Variants in PCCA observed in about 807,000 individuals in gnomAD.
The protein encoded by PCCA is propionyl-CoA carboxylase alpha chain, mitochondrial.
Under a neutral mutation model 101.3 loss-of-function variants are expected in PCCA, and 74 were observed. The ratio of observed to expected loss-of-function variants is 0.73; its 90% CI spans 0.61 to 0.89. PCCA has a LOEUF of 0.89. PCCA is among the 40% of genes least tolerant of loss of function. The pLI is 0.00. For synonymous variants in PCCA, 294 were observed against 313.6 expected, an observed-to-expected ratio of 0.94 and a Z score of 0.66; for missense variants, 891 against 907.0, an observed-to-expected ratio of 0.98 and a Z score of 0.23.
At position 100,330,682 on chromosome 13, in the gene PCCA, A is replaced by ATTTTAGTGTT; in HGVS notation, c.1540+13_1540+14insTTAGTGTTTT. The ATTTTAGTGTT allele has an allele frequency of 7.1e-7, 1 of 1,417,440 alleles. No homozygotes were observed. The highest frequency in any genetic ancestry group is 1.0e-6 in the Non-Finnish European group (1 of 1,000,812). 87.8% of individuals were successfully genotyped at this position (1,417,440 alleles called of 1,614,324 possible). A position where few individuals can be genotyped will look rare whatever the true frequency, so the allele number is the denominator to read the frequency against. ...CTGATGGCTTCAAAGGTTTGTATGC[A>ATTTTAGTGTT]TTAAAATATTTTAGTGTTTTAAAGT... is the stretch of plus-strand genomic sequence containing the variant. On this transcript the variant is annotated intron_variant, in intron 17 of 23. Transcript: ENST00000376285.
intron 20 of PCCA, among the ~76,000 whole-genome samples, chr13:100,448,279 G>A (rs959395383): frequency 1.3e-5 from 2 of 152,108 alleles, no homozygotes; most frequent in Admixed American, 6.5e-5. Context: ...CCTCACCTCC[G>A]CCTCCTGGGT....
intron 19 of PCCA, among the ~76,000 whole-genome samples, chr13:100,417,306 A>G (rs1000551747): frequency 6.6e-6 from 1 of 152,216 alleles, no homozygotes; most frequent in Non-Finnish European, 1.5e-5. Context: ...AATAGTTTAA[A>G]TTAGCATTTA....
At chr13:100,442,866 C>T (rs975961900) in intron 20 of PCCA, among the ~76,000 whole-genome samples, 1 of 152,064 alleles carries the variant, frequency 6.6e-6, no homozygotes, top group African/African-American at 2.4e-5. Flanking sequence ...GGAAGGAAGT[C>T]CCAGGTAGCA....
chr13:100,450,660 C>A (rs2081158720), intron 21 of PCCA, among the ~76,000 whole-genome samples: 1 of 151,892 alleles, frequency 6.6e-6, no homozygotes, highest in East Asian at 1.9e-4. Context: ...GGTTTTGCAG[C>A]CATTGAGATA....
rs1052623882 is a variant in PCCA at position 100,367,913 on chromosome 13, G to T, written c.1644-559G>T. ...GCAGAGGTTGCAGTGAGCCGAAATC[G>T]CACCATTGCACTCCAGCCCGGGCGA... On this transcript the variant is annotated intron_variant, in intron 18 of 23. Coordinates refer to ENST00000376285, the MANE Select transcript of PCCA (RefSeq NM_000282.4). 4.0e-5 allele frequency among the ~76,000 whole-genome samples: 6 copies of T among 151,692 alleles called. No individual in the cohort carries two copies. In the East Asian group the frequency reaches 1.2e-3, roughly 29 times the overall value.
At chr13:100,445,016 T>C (rs1396599902) in intron 20 of PCCA, among the ~76,000 whole-genome samples, 1 of 152,176 alleles carries the variant, frequency 6.6e-6, no homozygotes, top group Non-Finnish European at 1.5e-5. Flanking sequence ...TTCTGATGTC[T>C]GGAAAAGTTG....
chr13:100,293,368 A>G, intron 12 of PCCA: 1 of 321,418 alleles, frequency 3.1e-6, no homozygotes, highest in South Asian at 2.7e-5. Flanking sequence ...ATTTTTTTGT[A>G]ACTTGATTTT....
intron 16 of PCCA, among the ~76,000 whole-genome samples, chr13:100,323,786 T>C (rs1463152894): frequency 2.0e-5 from 3 of 152,232 alleles, no homozygotes; most frequent in African/African-American, 7.2e-5. Flanking sequence ...AGCCCAGCAT[T>C]GCATTAAGCA....
chr13:100,328,825 C>T (rs1260722635), intron 16 of PCCA, among the ~76,000 whole-genome samples: 5 of 149,904 alleles, frequency 3.3e-5, no homozygotes, highest in East Asian at 2.0e-4. Flanking sequence ...TCCCAAGTAG[C>T]GGGGATTACA....
intron 21 of PCCA, among the ~76,000 whole-genome samples, chr13:100,480,025 T>G (rs1478130472): frequency 6.6e-6 from 1 of 152,206 alleles, no homozygotes; most frequent in Non-Finnish European, 1.5e-5. Flanking sequence ...AGATCTAATT[T>G]TATTTAATGA....
At chr13:100,286,747 CTTT>C (rs547082648) in intron 12 of PCCA, among the ~76,000 whole-genome samples, 1 of 137,756 alleles carries the variant, frequency 7.3e-6, no homozygotes. Context: ...GAGGAGAAAC[CTTT>C]TTTTTTTTTT....
At chr13:100,455,282 T>G (rs1259389544) in intron 21 of PCCA, among the ~76,000 whole-genome samples, 4 of 152,216 alleles carry the variant, frequency 2.6e-5, no homozygotes, top group Non-Finnish European at 2.9e-5. Context: ...ACGTAACCAT[T>G]AGTTTGGAAG....
At chr13:100,444,598 A>T (rs2080655780) in intron 20 of PCCA, among the ~76,000 whole-genome samples, 1 of 152,018 alleles carries the variant, frequency 6.6e-6, no homozygotes, top group African/African-American at 2.4e-5. Flanking sequence ...GCCCGCCACC[A>T]TGCCCAGCTA....
intron 6 of PCCA, among the ~76,000 whole-genome samples, chr13:100,158,993 C>T (rs1265810891): frequency 6.7e-6 from 1 of 148,436 alleles, no homozygotes; most frequent in African/African-American, 2.5e-5. Context: ...TACATTTATT[C>T]CTATACAGTT....
rs965293674 is a variant in PCCA at position 100,111,178 on chromosome 13, C to CTT, written c.184-638_184-637dup. On this transcript the variant is annotated intron_variant, in intron 2 of 23. Transcript: ENST00000376285. ...AGGCGCGTACCACTAGACCCAGCTC[C>CTT]TTTTTTTTTTTTTTTTTTTTTTTTT... Among the ~76,000 whole-genome samples, 757 of 98,490 alleles carry CTT rather than the reference C, an allele frequency of 7.7e-3. 44 individuals carry two copies. Among genetic ancestry groups the CTT allele is most frequent in the African/African-American group, 0.013 (298 of 23,514 alleles). 64.6% of individuals were successfully genotyped at this position (98,490 alleles called of 152,430 possible).
At chr13:100,116,404 A>G (rs979503699) in intron 4 of PCCA, among the ~76,000 whole-genome samples, 2 of 152,344 alleles carry the variant, frequency 1.3e-5, no homozygotes, top group Non-Finnish European at 1.5e-5. Flanking sequence ...TGGATACTGC[A>G]CATATCAACT....
At chr13:100,529,306 A>T (rs1405644305) in intron 23 of PCCA, among the ~76,000 whole-genome samples, 1 of 152,146 alleles carries the variant, frequency 6.6e-6, no homozygotes, top group Non-Finnish European at 1.5e-5. Flanking sequence ...TGGAGGCAGG[A>T]GCATTGTGGA....
intron 12 of PCCA, among the ~76,000 whole-genome samples, chr13:100,287,526 C>T (rs2064774028): frequency 6.6e-6 from 1 of 151,918 alleles, no homozygotes; most frequent in Non-Finnish European, 1.5e-5. Context: ...TCATCATTTT[C>T]CTTCATATTT....
At chr13:100,506,672 G>T (rs2152992358) in intron 21 of PCCA, among the ~76,000 whole-genome samples, 1 of 152,206 alleles carries the variant, frequency 6.6e-6, no homozygotes, top group African/African-American at 2.4e-5. Flanking sequence ...GGGGGACTGA[G>T]GACTTACATG....
Sources: gnomAD v4.1 joint callset for allele counts (sites outside exome capture counted in the v4.1 genomes callset) on GRCh38, gnomAD v4.1.1 for gene constraint, MANE v1.5 for transcripts, NCBI Gene and HGNC (gene_info 2026-07-23, HGNC 2026-07-21) for gene names.